Variants in ATG4B observed in about 807,000 individuals in gnomAD.
ATG4B encodes the protein autophagy related 4B cysteine peptidase.
Under a neutral mutation model 56.6 loss-of-function variants are expected in ATG4B, and 29 were observed. The ratio of observed to expected loss-of-function variants is 0.51; its 90% confidence interval spans 0.38 to 0.70. ATG4B has a LOEUF of 0.70. Among genes scored for constraint, ATG4B ranks in the 30% least tolerant of loss-of-function variants. The probability of loss-of-function intolerance (pLI) is 0.00; values close to 1 mark genes in which losing one functional copy is unlikely to be tolerated. For missense variants in ATG4B, 461 were observed against 515.5 expected (o/e 0.89, Z 1.02); for synonymous variants, 224 against 206.1 (o/e 1.09, Z -0.74).
At chr2:241,669,079 G>A (rs1374992971) in intron 10 of ATG4B, among the ~76,000 whole-genome samples, 1 of 149,516 alleles carries the variant, frequency 6.7e-6, no homozygotes, top group African/African-American at 2.4e-5. Context: ...TTTAAACACG[G>A]GCGGCCCCTC....
At chr2:241,655,927 T>C (rs940176178) in intron 6 of ATG4B, among the ~76,000 whole-genome samples, 1 of 152,212 alleles carries the variant, frequency 6.6e-6, no homozygotes, top group African/African-American at 2.4e-5. Context: ...GTGTCCACTC[T>C]TCACTCCTCT....
intron 7 of ATG4B, among the ~76,000 whole-genome samples, chr2:241,661,599 A>G (rs2068595661): frequency 6.6e-6 from 1 of 152,252 alleles, no homozygotes; most frequent in African/African-American, 2.4e-5. Flanking sequence ...AGGAGCAGTT[A>G]GATAGGAGAA....
chr2:241,637,793 G>T, intron 1 of ATG4B, 69 bp downstream of exon 1: 3 of 1,479,456 alleles, frequency 2.0e-6, no homozygotes, highest in Non-Finnish European at 2.7e-6. Context: ...CCCCTGCTCG[G>T]GTCGGGCTGC....
chr2:241,670,134 C>A (rs185220541), intron 10 of ATG4B, among the ~76,000 whole-genome samples: 46 of 152,318 alleles, frequency 3.0e-4, no homozygotes, highest in African/African-American at 1.1e-3. Context: ...CTTCTCCCCC[C>A]ATTTCGTTTC....
rs1339173505 is a variant in ATG4B at position 241,673,486 on chromosome 2, G to A, written c.*1222G>A. ...GCTGCTGCTGCTGCTTGTGTAGGTC[G>A]GGGAGCCAGAGATCCCCGAGGACGC... On this transcript the variant is annotated 3_prime_UTR_variant, in exon 13 of 13. Coordinates refer to ENST00000404914, the MANE Select transcript of ATG4B (RefSeq NM_013325.5). 34 of 406,090 alleles carry A rather than the reference G, an allele frequency of 8.4e-5. No individual in the cohort carries two copies. The highest frequency in any genetic ancestry group is 5.6e-5 in the Non-Finnish European group (11 of 196,010). 25.2% of individuals were successfully genotyped at this position (406,090 alleles called of 1,614,324 possible).
intron 12 of ATG4B, chr2:241,671,676 G>T: frequency 1.4e-6 from 2 of 1,400,278 alleles, no homozygotes; most frequent in Non-Finnish European, 9.4e-7. Context: ...GAGTCCTCAG[G>T]GGTCTGGAGC....
At chr2:241,644,850 G>A (rs1320186587) in intron 1 of ATG4B, among the ~76,000 whole-genome samples, 1 of 151,988 alleles carries the variant, frequency 6.6e-6, no homozygotes, top group Non-Finnish European at 1.5e-5. Context: ...TCGGGAGGCT[G>A]AGGCAGGAGA....
chr2:241,640,998 AG>A (rs1413712605), intron 1 of ATG4B, among the ~76,000 whole-genome samples: 11 of 152,224 alleles, frequency 7.2e-5, no homozygotes, highest in African/African-American at 2.7e-4. Flanking sequence ...TGTGTTCAAC[AG>A]GCTTGCTCTG....
chr2:241,672,080 C>G, intron 12 of ATG4B, 111 bp from the exon 13 acceptor site: 1 of 1,498,344 alleles, frequency 6.7e-7, no homozygotes, highest in Non-Finnish European at 8.9e-7. Flanking sequence ...GGACAGCTGT[C>G]TGTGGGCTGC....
At chr2:241,640,001 C>G (rs182056602) in intron 1 of ATG4B, among the ~76,000 whole-genome samples, 1 of 152,254 alleles carries the variant, frequency 6.6e-6, no homozygotes, top group East Asian at 1.9e-4. Flanking sequence ...CCCCTCTCTG[C>G]CTAGGATTTG....
At position 241,659,409 on chromosome 2, in the gene ATG4B, G is replaced by A. The variant is rs769378824; in HGVS notation, c.538+222G>A. ...GGAGAGCCCAGGCTGTCTGGAGGCC[G>A]CGACTTGGTATCTCACGTCGTGTTT... On this transcript the variant is annotated intron_variant, in intron 7 of 12. Coordinates refer to ENST00000404914, the MANE Select transcript of ATG4B (RefSeq NM_013325.5). 18 of 629,490 alleles carry A rather than the reference G, an allele frequency of 2.9e-5. No individual in the cohort carries two copies. In the Middle Eastern group the frequency reaches 7.6e-4, roughly 26 times the overall value. 39.0% of individuals were successfully genotyped at this position (629,490 alleles called of 1,614,324 possible). A position where few individuals can be genotyped will look rare whatever the true frequency, so the allele number is the denominator to read the frequency against.
intron 1 of ATG4B, among the ~76,000 whole-genome samples, chr2:241,643,557 T>C (rs1421192106): frequency 4.0e-5 from 6 of 150,284 alleles, no homozygotes; most frequent in Non-Finnish European, 8.9e-5. Flanking sequence ...AGTCTAGAGA[T>C]GGGTCTATAT....
rs1245058466 is a variant in ATG4B at position 241,666,779 on chromosome 2, C to G, written c.673C>G (p.Leu225Val). Residue 225 changes from leucine (L) to valine (V), a missense_variant, in exon 8 of 13, where the codon CTC becomes GTC. Physicochemically the swap from Leu to Val is conservative, Grantham distance 32 (BLOSUM62 1). Transcript: ENST00000404914. Reference sequence around the variant, plus strand: ...GTCGCCATGGAGACCCCTGGTACTTCTCATTCCCCTGCGCCTGGGGCTCAC... The same window carrying G: ...GTCGCCATGGAGACCCCTGGTACTTGTCATTCCCCTGCGCCTGGGGCTCAC... ...RPSPWRPLVL[L>V]IPLRLGLTDI... 6.3e-7 allele frequency: 1 copy of G among 1,591,456 alleles called. No individual in the cohort carries two copies. Among genetic ancestry groups the G allele is most frequent in the African/African-American group, 1.3e-5 (1 of 74,480 alleles).
chr2:241,651,147 G>T lies in ATG4B; in HGVS notation c.112+36G>T, dbSNP rs370732915. The T allele has an allele frequency of 5.2e-5, 82 of 1,583,672 alleles. No homozygotes were observed. In the African/African-American group the frequency reaches 1.0e-3, roughly 20 times the overall value. ...TGCTGGAGCCCACCCTGGTCTGACC[G>T]CTTGGCCTGCAGAAGCATTTTGTGA... On this transcript the variant is annotated intron_variant, in intron 2 of 12. Transcript: ENST00000404914. The surrounding 1 kb of genome is among the most constrained non-coding windows in gnomAD (Gnocchi z 4.1).
chr2:241,667,978 T>G, intron 8 of ATG4B, 165 bp from the exon 9 acceptor site: 2 of 618,366 alleles, frequency 3.2e-6, no homozygotes, highest in South Asian at 4.1e-5. Flanking sequence ...TGGGATGTCC[T>G]GTGGTCTTTC....
rs1299987064 is a variant in ATG4B at position 241,668,073 on chromosome 2, C to G, written c.733-70C>G. Reference sequence around the variant, plus strand: ...GGGCCTCAGCAGGCCCTTGGGCCCCCTATGGCAGTGGGTGGGGGGACCGTC... The same window carrying G: ...GGGCCTCAGCAGGCCCTTGGGCCCCGTATGGCAGTGGGTGGGGGGACCGTC... On this transcript the variant is annotated intron_variant, in intron 8 of 12. Transcript: ENST00000404914. This position sits in a 1 kb window ranked among gnomAD's most constrained non-coding sequence, Gnocchi z 4.2. The G allele has an allele frequency of 2.0e-6, 3 of 1,503,372 alleles. No homozygotes were observed. Among genetic ancestry groups the G allele is most frequent in the East Asian group, 4.9e-5 (2 of 40,604 alleles). The allele number at this position is 1,503,372 out of a possible 1,614,324, so 93.1% of individuals were successfully genotyped here.
rs1408645611 is a variant in ATG4B, at chr2:241,673,456, T to TCG, written c.*1194_*1195dup. 1 of 394,564 alleles carries TCG rather than the reference T, an allele frequency of 2.5e-6. No individual in the cohort carries two copies. Among genetic ancestry groups the TCG allele is most frequent in the Non-Finnish European group, 5.2e-6 (1 of 193,038 alleles). The allele number at this position is 394,564 out of a possible 1,614,324, so 24.4% of individuals were successfully genotyped here. A position where few individuals can be genotyped will look rare whatever the true frequency, so the allele number is the denominator to read the frequency against. On this transcript the variant is annotated 3_prime_UTR_variant, in exon 13 of 13. Coordinates refer to ENST00000404914, the MANE Select transcript of ATG4B (RefSeq NM_013325.5). ...GCAGCTACTGCGGCGTTGGCAGGAC[T>TCG]CGCTGCTGCTGCTGCTGCTTGTGTA...
intron 6 of ATG4B, 98 bp from the exon 7 acceptor site, chr2:241,659,010 A>C (rs1476488131): frequency 1.2e-6 from 1 of 840,386 alleles, no homozygotes; most frequent in Non-Finnish European, 1.8e-6. Flanking sequence ...TCCGAGAAGC[A>C]CCTCTAACGC....
intron 1 of ATG4B, among the ~76,000 whole-genome samples, chr2:241,643,870 ATTTTTTCCGAAGTTTGAC>A (rs1483955860): frequency 2.0e-5 from 3 of 151,824 alleles, no homozygotes; most frequent in Admixed American, 6.6e-5. Context: ...GCGAGTGGAT[ATTTTTTCCGAAGTTTGAC>A]TCCTTTTCTA....
Sources: allele counts gnomAD v4.1 joint callset (sites outside exome capture counted in the v4.1 genomes callset), GRCh38; gene constraint gnomAD v4.1.1; non-coding constraint Gnocchi (gnomAD v3.1); transcripts MANE v1.5; gene names NCBI Gene and HGNC (gene_info 2026-07-23, HGNC 2026-07-21).